Variants in XKR6 observed in about 807,000 individuals in gnomAD.
XKR6 encodes the protein XK related 6, also known as XK-related protein 6.
In XKR6, 22 loss-of-function variants were observed where a neutral mutation model predicts 56.7. That is an observed-to-expected ratio of 0.39 (90% confidence interval 0.28 to 0.55). The LOEUF (loss-of-function observed/expected upper bound fraction) is 0.55, where lower values mean the gene tolerates loss of function less well. Ranked by LOEUF, XKR6 falls within the 20% of genes least tolerant of loss-of-function variation. XKR6 has a pLI of 0.66. For synonymous variants in XKR6, 524 were observed against 387.8 expected, an observed-to-expected ratio of 1.35 and a Z score of -4.13; for missense variants, 852 against 889.0, an observed-to-expected ratio of 0.96 and a Z score of 0.53.
chr8:11,161,943 G>C (rs1563184815), intron 1 of XKR6, among the ~76,000 whole-genome samples: 2 of 152,082 alleles, frequency 1.3e-5, no homozygotes, highest in African/African-American at 4.8e-5. Context: ...AAGGAACTGA[G>C]CAAAATGAGA....
intron 1 of XKR6, among the ~76,000 whole-genome samples, chr8:11,017,246 T>G (rs891157928): frequency 6.6e-6 from 1 of 152,190 alleles, no homozygotes; most frequent in African/African-American, 2.4e-5. Context: ...AGGAGGTAGA[T>G]GGATGGATAT....
At chr8:11,097,884 T>A (rs930364380) in intron 1 of XKR6, among the ~76,000 whole-genome samples, 37 of 142,370 alleles carry the variant, frequency 2.6e-4, no homozygotes, top group African/African-American at 7.4e-4. Context: ...TTTTTTTTTT[T>A]AAAGCTATTT....
At chr8:10,939,356 A>G (rs1489276857) in intron 1 of XKR6, among the ~76,000 whole-genome samples, 1 of 152,200 alleles carries the variant, frequency 6.6e-6, no homozygotes, top group Non-Finnish European at 1.5e-5. Flanking sequence ...ACTGAGAGGA[A>G]CACTCTACTG....
chr8:11,031,182 A>T (rs572280622), intron 1 of XKR6, among the ~76,000 whole-genome samples: 1 of 152,302 alleles, frequency 6.6e-6, no homozygotes, highest in African/African-American at 2.4e-5. Context: ...AGAATCTGGT[A>T]TTGGGAGAGA....
chr8:10,942,386 C>T (rs140252013), intron 1 of XKR6, among the ~76,000 whole-genome samples: 7 of 152,310 alleles, frequency 4.6e-5, no homozygotes, highest in Admixed American at 1.3e-4. Flanking sequence ...CAGTCACATC[C>T]GCCACGGCCC....
intron 1 of XKR6, among the ~76,000 whole-genome samples, chr8:10,961,913 C>T (rs1435809969): frequency 6.6e-6 from 1 of 152,144 alleles, no homozygotes; most frequent in African/African-American, 2.4e-5. Context: ...GTTTCATTGA[C>T]AATAACGTGG....
At chr8:10,993,215 G>A (rs951033855) in intron 1 of XKR6, among the ~76,000 whole-genome samples, 1 of 152,236 alleles carries the variant, frequency 6.6e-6, no homozygotes, top group African/African-American at 2.4e-5. Flanking sequence ...GCGCCCAGGC[G>A]AGGCTGGGAT....
At chr8:11,029,001 A>G (rs1798931854) in intron 1 of XKR6, among the ~76,000 whole-genome samples, 1 of 152,098 alleles carries the variant, frequency 6.6e-6, no homozygotes, top group African/African-American at 2.4e-5. Flanking sequence ...GGCCAGGACA[A>G]TACCTCATGC....
rs542281684 is a variant in XKR6 at position 10,964,613 on chromosome 8, C to T, written c.765-39783G>A. 3.3e-5 allele frequency among the ~76,000 whole-genome samples: 5 copies of T among 152,264 alleles called. No homozygotes were observed. In the East Asian group the frequency reaches 9.7e-4, roughly 29 times the overall value. The stretch of plus-strand genomic sequence containing the variant: ...GGTCTTGAAAATAAAAATGAAGCTG[C>T]CCCCTGAGGTCCTCCCAACAATCAG... On this transcript the variant is annotated intron_variant, in intron 1 of 2. Coordinates refer to ENST00000416569, the MANE Select transcript of XKR6 (RefSeq NM_173683.4).
At chr8:11,074,267 T>C (rs909558494) in intron 1 of XKR6, among the ~76,000 whole-genome samples, 2 of 152,112 alleles carry the variant, frequency 1.3e-5, no homozygotes, top group African/African-American at 4.8e-5. Flanking sequence ...GCTCCCTCTG[T>C]CTAGTGTGCC....
At chr8:10,963,656 C>T (rs1735454619) in intron 1 of XKR6, among the ~76,000 whole-genome samples, 1 of 152,092 alleles carries the variant, frequency 6.6e-6, no homozygotes, top group Non-Finnish European at 1.5e-5. Context: ...ATCCTCCCAC[C>T]TCAGCCTCCC....
intron 1 of XKR6, among the ~76,000 whole-genome samples, chr8:11,133,933 G>A (rs1800248057): frequency 6.6e-6 from 1 of 152,120 alleles, no homozygotes; most frequent in Admixed American, 6.6e-5. Context: ...TGTCTATGGT[G>A]CTATTCATGA....
intron 1 of XKR6, among the ~76,000 whole-genome samples, chr8:10,977,175 G>A (rs988044262): frequency 3.3e-5 from 5 of 152,184 alleles, no homozygotes; most frequent in African/African-American, 1.2e-4. Flanking sequence ...CCAGGTTGGG[G>A]TGCACTGCAG....
chr8:11,019,418 T>C (rs561338972), intron 1 of XKR6, among the ~76,000 whole-genome samples: 38 of 152,294 alleles, frequency 2.5e-4, no homozygotes, highest in Admixed American at 2.4e-3. Context: ...GGACCACCCA[T>C]TGTAACTATT....
intron 1 of XKR6, among the ~76,000 whole-genome samples, chr8:11,119,938 A>G (rs1447024338): frequency 6.6e-6 from 1 of 152,206 alleles, no homozygotes; most frequent in Non-Finnish European, 1.5e-5. Context: ...CAAAAACCAC[A>G]TGATTATCTC....
chr8:11,198,468 A>G (rs1429764556), intron 1 of XKR6, among the ~76,000 whole-genome samples: 3 of 152,052 alleles, frequency 2.0e-5, no homozygotes, highest in Non-Finnish European at 4.4e-5. Flanking sequence ...AAAACTAGAC[A>G]GTAAAGTCAC....
chr8:10,914,893 T>C (rs1171511597), intron 2 of XKR6, among the ~76,000 whole-genome samples: 1 of 152,218 alleles, frequency 6.6e-6, no homozygotes, highest in African/African-American at 2.4e-5. Flanking sequence ...GCCCTCCCTT[T>C]GCTCAAGGCC....
chr8:11,201,085 G>A lies in XKR6; in HGVS notation c.255C>T (p.Ser85=). The change falls in exon 1 of 3, where the codon AGC becomes AGT. Residue 85 remains serine (S), a synonymous_variant. Coordinates refer to ENST00000416569, the MANE Select transcript of XKR6 (RefSeq NM_173683.4). ...GCTGGTCCCCCCCGTCGGCGGCGGC[G>A]CTGCGGCGCGGCTTCCTGCCCAGGA... ...RSLLGRKPRR[S]AAADGGDQPL... 7.3e-7 allele frequency: 1 copy of A among 1,378,026 alleles called. No individual in the cohort carries two copies. The highest frequency in any genetic ancestry group is 1.6e-5 in the South Asian group (1 of 62,084). 85.4% of individuals were successfully genotyped at this position (1,378,026 alleles called of 1,614,324 possible).
At chr8:11,193,297 CTTGT>C (rs1803684420) in intron 1 of XKR6, among the ~76,000 whole-genome samples, 2 of 152,284 alleles carry the variant, frequency 1.3e-5, no homozygotes, top group East Asian at 1.9e-4. Context: ...TTTTAAACCA[CTTGT>C]TTAATATTTC....
Sources: allele counts gnomAD v4.1 joint callset (sites outside exome capture counted in the v4.1 genomes callset), GRCh38; gene constraint gnomAD v4.1.1; transcripts MANE v1.5; gene names NCBI Gene and HGNC (gene_info 2026-07-23, HGNC 2026-07-21).